Variants in UMAD1 observed in about 807,000 individuals in gnomAD.
UMAD1 encodes UBAP1-MVB12-associated (UMA) domain containing 1.
In UMAD1, 8 loss-of-function variants were observed where a neutral mutation model predicts 6.1. The observed-to-expected ratio is 1.30, with a 90% CI of 0.76 to 2.35. UMAD1 has a LOEUF of 2.35. Ranked by LOEUF, UMAD1 falls within the 30% of genes most tolerant of loss-of-function variation. The pLI, the probability that UMAD1 is intolerant of heterozygous loss-of-function variation, is 0.00. For missense variants in UMAD1, 130 were observed against 78.4 expected (o/e 1.66, Z -2.49); for synonymous variants, 56 against 31.4 (o/e 1.78, Z -2.61).
intron 2 of UMAD1, among the ~76,000 whole-genome samples, chr7:7,730,113 C>T (rs1490160536): frequency 6.6e-6 from 1 of 152,216 alleles, no homozygotes; most frequent in African/African-American, 2.4e-5. Flanking sequence ...AAAATCACAA[C>T]TGTCATATGG....
At chr7:7,739,232 A>G (rs900282512) in intron 2 of UMAD1, among the ~76,000 whole-genome samples, 1 of 152,224 alleles carries the variant, frequency 6.6e-6, no homozygotes, top group African/African-American at 2.4e-5. Context: ...ATACTTAGTA[A>G]TGAACTGCTG....
At chr7:7,814,144 C>A (rs1783080444) in intron 3 of UMAD1, among the ~76,000 whole-genome samples, 5 of 152,092 alleles carry the variant, frequency 3.3e-5, no homozygotes, top group Admixed American at 2.6e-4. Context: ...ACACCACGCC[C>A]AGCTAATTTT....
chr7:7,667,617 T>G (rs1485631777), intron 1 of UMAD1, among the ~76,000 whole-genome samples: 1 of 152,190 alleles, frequency 6.6e-6, no homozygotes. Context: ...AAGTATGAAG[T>G]AAGTGAAGGT....
chr7:7,718,597 C>G (rs1563152240), intron 2 of UMAD1: 3 of 152,160 alleles, frequency 2.0e-5, no homozygotes, highest in African/African-American at 4.8e-5. Context: ...AGCCTCTTAT[C>G]TGAGTAGCTT....
intron 3 of UMAD1, among the ~76,000 whole-genome samples, chr7:7,867,216 G>T (rs1247791084): frequency 1.3e-5 from 2 of 152,172 alleles, no homozygotes; most frequent in African/African-American, 4.8e-5. Context: ...ATATGCAAAA[G>T]GAAATGTATA....
intron 2 of UMAD1, among the ~76,000 whole-genome samples, chr7:7,693,306 T>TCTATCTATCTATCTAC (rs1563128462): frequency 6.6e-6 from 1 of 151,750 alleles, no homozygotes; most frequent in East Asian, 1.9e-4. Context: ...TATCTATCTA[T>TCTATCTATCTATCTAC]CTATCTATCT....
At chr7:7,755,715 A>G (rs893062196) in intron 2 of UMAD1, among the ~76,000 whole-genome samples, 43 of 152,350 alleles carry the variant, frequency 2.8e-4, no homozygotes, top group Non-Finnish European at 5.6e-4. Context: ...CCGAGTGGTT[A>G]CAAGTTAAGA....
At chr7:7,764,517 G>T (rs1781950031) in intron 2 of UMAD1, among the ~76,000 whole-genome samples, 1 of 152,170 alleles carries the variant, frequency 6.6e-6, no homozygotes, top group African/African-American at 2.4e-5. Flanking sequence ...GTGTGAACTT[G>T]TTCATAGGCA....
chr7:7,839,159 A>G (rs961644192), intron 3 of UMAD1, among the ~76,000 whole-genome samples: 13 of 152,192 alleles, frequency 8.5e-5, no homozygotes, highest in Non-Finnish European at 1.6e-4. Flanking sequence ...TAAATGAAAT[A>G]AATTACACAG....
chr7:7,705,032 C>T (rs1007123534), intron 2 of UMAD1, among the ~76,000 whole-genome samples: 1 of 152,070 alleles, frequency 6.6e-6, no homozygotes, highest in African/African-American at 2.4e-5. Context: ...TGCTTCTTGG[C>T]ATCTGTAACA....
At chr7:7,659,272 T>G (rs1785417329) in intron 1 of UMAD1, among the ~76,000 whole-genome samples, 1 of 152,198 alleles carries the variant, frequency 6.6e-6, no homozygotes, top group Non-Finnish European at 1.5e-5. Context: ...GATTCATTGA[T>G]TTTTCGAAGG....
intron 2 of UMAD1, among the ~76,000 whole-genome samples, chr7:7,783,447 C>T (rs1213618524): frequency 6.8e-6 from 1 of 148,146 alleles, no homozygotes; most frequent in Non-Finnish European, 1.5e-5. Flanking sequence ...CGGTTTGTGT[C>T]TTTGGGTGTT....
At chr7:7,768,327 G>A (rs563181513) in intron 2 of UMAD1, among the ~76,000 whole-genome samples, 7 of 152,216 alleles carry the variant, frequency 4.6e-5, no homozygotes, top group African/African-American at 1.7e-4. Flanking sequence ...TGTTTTGAGA[G>A]GGATTTCCTC....
intron 2 of UMAD1, among the ~76,000 whole-genome samples, chr7:7,716,137 AGAG>A (rs1216161327): frequency 1.3e-5 from 2 of 152,298 alleles, no homozygotes; most frequent in East Asian, 3.9e-4. Flanking sequence ...CTAAATATGA[AGAG>A]GAGGAGGAGA....
In UMAD1 at chr7:7,786,968, T is replaced by C. The variant is rs557283426; in HGVS notation, c.83-14702T>C. 2.0e-5 allele frequency among the ~76,000 whole-genome samples: 3 copies of C among 152,368 alleles called. No individual in the cohort carries two copies. The South Asian group carries it at 6.2e-4, about 32-fold the overall frequency. ...CAGCTGGTTAGTTAATATGTTTCTCTTTTATTCCATGCTAGTCCTCCAAGC... is the reference window on the plus strand; with the variant it reads ...CAGCTGGTTAGTTAATATGTTTCTCCTTTATTCCATGCTAGTCCTCCAAGC... On this transcript the variant is annotated intron_variant, in intron 2 of 3. Coordinates refer to ENST00000682710, the MANE Select transcript of UMAD1 (RefSeq NM_001302348.2).
At chr7:7,680,762 T>C (rs1450715697) in intron 2 of UMAD1, among the ~76,000 whole-genome samples, 3 of 152,116 alleles carry the variant, frequency 2.0e-5, no homozygotes, top group Non-Finnish European at 4.4e-5. Flanking sequence ...ATCTTTCACT[T>C]TGGTTATATT....
chr7:7,853,075 G>A (rs4725041), intron 3 of UMAD1, among the ~76,000 whole-genome samples: 45,331 of 152,044 alleles, frequency 0.3, 7,562 homozygotes, highest in East Asian at 0.76. Flanking sequence ...AAAGCACCCC[G>A]ACATTATATA....
intron 3 of UMAD1, among the ~76,000 whole-genome samples, chr7:7,821,147 A>G (rs1022864682): frequency 3.9e-5 from 6 of 152,164 alleles, no homozygotes; most frequent in African/African-American, 1.2e-4. Flanking sequence ...GCAGGAAAAC[A>G]TTAGGTAGTA....
At chr7:7,698,837 G>C (rs914749663) in intron 2 of UMAD1, among the ~76,000 whole-genome samples, 10 of 150,558 alleles carry the variant, frequency 6.6e-5, no homozygotes, top group Non-Finnish European at 1.3e-4. Flanking sequence ...ATTTCTGGCT[G>C]TGGATTTCGT....
Sources: allele counts gnomAD v4.1 joint callset (sites outside exome capture counted in the v4.1 genomes callset), GRCh38; gene constraint gnomAD v4.1.1; transcripts MANE v1.5; gene names NCBI Gene and HGNC (gene_info 2026-07-23, HGNC 2026-07-21).